GTSE1: variants seen among roughly 807,000 people sequenced by gnomAD.
GTSE1 encodes G2 and S-phase expressed 1, also known as G2 and S phase-expressed protein 1.
A neutral mutation model predicts 60.5 loss-of-function variants in GTSE1; 52 were observed. The observed-to-expected ratio is 0.86, with a 90% CI of 0.69 to 1.08. GTSE1 has a LOEUF of 1.08. Among genes scored for constraint, GTSE1 ranks in the 50% least tolerant of loss-of-function variants. The pLI, the probability that GTSE1 is intolerant of heterozygous loss-of-function variation, is 0.00. For synonymous variants in GTSE1, 368 were observed against 386.5 expected (o/e 0.95, Z 0.56); for missense variants, 937 against 961.8 (o/e 0.97, Z 0.34).
rs777163402 is a variant in GTSE1 at position 46,326,592 on chromosome 22, C to T, written c.1662C>T (p.Gly554=). The change falls in exon 9 of 12, where the codon GGC becomes GGT. Residue 554 remains glycine (G), a synonymous_variant. Transcript: ENST00000454366. ...MTPKTMPRAV[G]SPLCVPARRR... is the part of the protein sequence containing the mutation. ...CCAAAACGATGCCCAGGGCCGTGGGCTCTCCCCTGTGTGTGCCAGCTCGGA... is the reference window on the plus strand; with the variant it reads ...CCAAAACGATGCCCAGGGCCGTGGGTTCTCCCCTGTGTGTGCCAGCTCGGA... 5.0e-6 allele frequency: 8 copies of T among 1,614,006 alleles called. No individual in the cohort carries two copies. Among genetic ancestry groups the T allele is most frequent in the Non-Finnish European group, 6.8e-6 (8 of 1,179,950 alleles).
chr22:46,298,810 G>A (rs2077672910), intron 2 of GTSE1, among the ~76,000 whole-genome samples: 1 of 152,142 alleles, frequency 6.6e-6, no homozygotes, highest in African/African-American at 2.4e-5. Flanking sequence ...CCGTTGACCT[G>A]ACTTCATTTC....
intron 9 of GTSE1, chr22:46,327,221 A>C: frequency 6.6e-6 from 1 of 152,214 alleles, no homozygotes; most frequent in African/African-American, 2.4e-5. Context: ...AAATAAATAA[A>C]ATAAATAAAA....
chr22:46,301,781 G>A (rs539290993), intron 2 of GTSE1, among the ~76,000 whole-genome samples: 24 of 152,162 alleles, frequency 1.6e-4, no homozygotes, highest in Admixed American at 1.4e-3. Context: ...GAGCCACAGC[G>A]CCCAGCCTCA....
At chr22:46,328,079 G>A (rs1459095378) in intron 9 of GTSE1, among the ~76,000 whole-genome samples, 1 of 152,266 alleles carries the variant, frequency 6.6e-6, no homozygotes, top group Non-Finnish European at 1.5e-5. Context: ...GTTAGTTGAT[G>A]GACCTGCGGC....
intron 2 of GTSE1, among the ~76,000 whole-genome samples, chr22:46,300,198 A>G (rs1169516857): frequency 6.6e-6 from 1 of 151,798 alleles, no homozygotes; most frequent in Non-Finnish European, 1.5e-5. Context: ...CCTGGGTTCA[A>G]GTGATTCCCC....
At position 46,297,029 on chromosome 22, in the gene GTSE1, A is replaced by C. The variant is rs2077660462; in HGVS notation, c.-22+98A>C. 2 of 200,878 alleles carry C rather than the reference A, an allele frequency of 1.0e-5. No individual in the cohort carries two copies. The highest frequency in any genetic ancestry group is 1.5e-4 in the South Asian group (2 of 13,744). The allele number at this position is 200,878 out of a possible 1,614,324, so 12.4% of individuals were successfully genotyped here. A position where few individuals can be genotyped will look rare whatever the true frequency, so the allele number is the denominator to read the frequency against. On this transcript the variant is annotated intron_variant, in intron 1 of 11. Transcript: ENST00000454366. This position sits in a 1 kb window ranked among gnomAD's most constrained non-coding sequence, Gnocchi z 4.9. ...GGACGGGGAGGGGCCGCGCCCCGCCAGGAGCCGGGCCTGGGCTCGAGCAGG... is the reference window on the plus strand; with the variant it reads ...GGACGGGGAGGGGCCGCGCCCCGCCCGGAGCCGGGCCTGGGCTCGAGCAGG...
In GTSE1 at chr22:46,308,504, T is replaced by C. The variant is rs201086044; in HGVS notation, c.323T>C (p.Leu108Pro). 2.2e-5 allele frequency: 36 copies of C among 1,614,066 alleles called. No homozygotes were observed. Among genetic ancestry groups the C allele is most frequent in the Non-Finnish European group, 3.0e-5 (35 of 1,180,034 alleles). The change falls in exon 4 of 12, where the codon CTG becomes CCG. Residue 108 changes from leucine (L) to proline (P), a missense_variant. Physicochemically the swap from Leu to Pro is moderately conservative, Grantham distance 98. Transcript: ENST00000454366. ...FVEVYKEAHLLALHIESSSRN... is the reference protein window; with the variant it reads ...FVEVYKEAHLPALHIESSSRN... Reference sequence around the variant, plus strand: ...GAGGTGTACAAAGAAGCTCACTTACTGGCTTTACACATTGAGAGCAGCAGC... The same window carrying C: ...GAGGTGTACAAAGAAGCTCACTTACCGGCTTTACACATTGAGAGCAGCAGC...
In GTSE1 at chr22:46,316,182, A is replaced by ATGTTTC. The variant is rs764328518; in HGVS notation, c.1205_1210dup (p.Val402_Ser403dup). On this transcript the variant is annotated inframe_insertion, in exon 7 of 12. Coordinates refer to ENST00000454366, the MANE Select transcript of GTSE1 (RefSeq NM_016426.7). This position sits in a 1 kb window ranked among gnomAD's most constrained non-coding sequence, Gnocchi z 5.0. ...TCCTCCTGGCAGGCCAAGCGGGTCG[A>ATGTTTC]TGTTTCTGAGCTGGCAGCGGAGCAG... 4 of 1,613,542 alleles carry ATGTTTC rather than the reference A, an allele frequency of 2.5e-6. No homozygotes were observed. The highest frequency in any genetic ancestry group is 3.4e-6 in the Non-Finnish European group (4 of 1,179,814).
rs755325405 is a variant in GTSE1, at chr22:46,308,136, T to C, written c.80-14T>C. 1.3e-6 allele frequency: 2 copies of C among 1,589,518 alleles called. No homozygotes were observed. Among genetic ancestry groups the C allele is most frequent in the African/African-American group, 2.7e-5 (2 of 74,360 alleles). On this transcript the variant is annotated splice_polypyrimidine_tract_variant and intron_variant, in intron 2 of 11. Coordinates refer to ENST00000454366, the MANE Select transcript of GTSE1 (RefSeq NM_016426.7). ...GCTGTGGCACTAAAATAACAGTGGA[T>C]TTTTTCCCTCTAGACATTCTTCTTT...
Position 46,309,543 on chromosome 22 carries a change from G to A in GTSE1, c.762+600G>A, listed in dbSNP as rs79554259. On this transcript the variant is annotated intron_variant, in intron 4 of 11. Transcript: ENST00000454366. This position sits in a 1 kb window ranked among gnomAD's most constrained non-coding sequence, Gnocchi z 6.2. ...AGCCCCGGGGCCCACCCTGCAGCCC[G>A]TTCCCAGCTCTGCCCCCTCCCCTGG... 0.024 allele frequency among the ~76,000 whole-genome samples: 3,710 copies of A among 152,180 alleles called. 155 individuals carry two copies. Among genetic ancestry groups the A allele is most frequent in the African/African-American group, 0.083 (3,438 of 41,500 alleles).
chr22:46,330,072 T>G lies in GTSE1; in HGVS notation c.2162T>G (p.Ile721Ser), dbSNP rs2077867648. Reference protein sequence around the residue: ...GQLIDLSSPLIQLSPEADKEN... With the variant: ...GQLIDLSSPLSQLSPEADKEN... ...CTCATAGACCTGAGCTCCCCTCTGA[T>G]CCAGCTGAGCCCTGAGGCTGACAAG... Residue 721 changes from isoleucine to serine, a missense_variant, in exon 12 of 12, where the codon ATC becomes AGC. Ile to Ser is a moderately radical substitution (Grantham distance 142, BLOSUM62 -2). Coordinates refer to ENST00000454366, the MANE Select transcript of GTSE1 (RefSeq NM_016426.7). This position sits in a 1 kb window ranked among gnomAD's most constrained non-coding sequence, Gnocchi z 6.0. 6.2e-7 allele frequency: 1 copy of G among 1,611,270 alleles called. No individual in the cohort carries two copies.
At position 46,312,232 on chromosome 22, in the gene GTSE1, C is replaced by T. The variant is rs778042976; in HGVS notation, c.854C>T (p.Pro285Leu). Residue 285 changes from proline (P) to leucine (L), a missense_variant, in exon 5 of 12, where the codon CCG becomes CTG. Coordinates refer to ENST00000454366, the MANE Select transcript of GTSE1 (RefSeq NM_016426.7). ...HRDVLPDKPAPGAVNVPAAGS... is the reference protein window; with the variant it reads ...HRDVLPDKPALGAVNVPAAGS... ...GATGTTCTCCCTGACAAACCTGCCC[C>T]GGGTGCTGTCAATGTGCCGGCCGCC... is the stretch of plus-strand genomic sequence containing the variant. 6.0e-5 allele frequency: 97 copies of T among 1,614,042 alleles called. No individual in the cohort carries two copies. The highest frequency in any genetic ancestry group is 9.9e-5 in the South Asian group (9 of 91,088).
Position 46,308,962 on chromosome 22 carries a change from C to T in GTSE1, c.762+19C>T, listed in dbSNP as rs753402714. On this transcript the variant is annotated intron_variant, in intron 4 of 11. Transcript: ENST00000454366. ...GGAGAAGGTAAATGCCACAGCAGAG[C>T]GCCTGCCTGGGGAGCCCCCACTCCT... 4 of 1,589,262 alleles carry T rather than the reference C, an allele frequency of 2.5e-6. No individual in the cohort carries two copies. Among genetic ancestry groups the T allele is most frequent in the East Asian group, 2.2e-5 (1 of 44,634 alleles).
Position 46,314,539 on chromosome 22 carries a change from TC to T in GTSE1, c.1051+527del, listed in dbSNP as rs1287975125. On this transcript the variant is annotated intron_variant, in intron 6 of 11. Transcript: ENST00000454366. The surrounding 1 kb of genome is among the most constrained non-coding windows in gnomAD (Gnocchi z 7.1). ...CGAGGTGCATTGGCCATGTGGCGTCTCGGGGTCGTTCAGGGCAGCATGGTGT... is the reference window on the plus strand; with the variant it reads ...CGAGGTGCATTGGCCATGTGGCGTCTGGGGTCGTTCAGGGCAGCATGGTGT... Among the ~76,000 whole-genome samples, 1 of 152,166 alleles carries T rather than the reference TC, an allele frequency of 6.6e-6. No individual in the cohort carries two copies. Among genetic ancestry groups the T allele is most frequent in the Non-Finnish European group, 1.5e-5 (1 of 68,034 alleles).
chr22:46,316,005 TG>T lies in GTSE1; in HGVS notation c.1052-26del. 6.8e-7 allele frequency: 1 copy of T among 1,466,986 alleles called. No homozygotes were observed. Among genetic ancestry groups the T allele is most frequent in the Non-Finnish European group, 9.1e-7 (1 of 1,099,866 alleles). The allele number at this position is 1,466,986 out of a possible 1,614,324, so 90.9% of individuals were successfully genotyped here. On this transcript the variant is annotated intron_variant, in intron 6 of 11. Transcript: ENST00000454366. The surrounding 1 kb of genome is among the most constrained non-coding windows in gnomAD (Gnocchi z 5.0). ...AAATAGCTTCATACTTTTATAATAA[TG>T]TGATTTTTGTGTGTATACCTTCTAG...
In GTSE1 at chr22:46,310,945, G is replaced by C. The variant is rs2077744725; in HGVS notation, c.763-1196G>C. Among the ~76,000 whole-genome samples the C allele has an allele frequency of 6.6e-6, 1 of 152,150 alleles. No homozygotes were observed. Among genetic ancestry groups the C allele is most frequent in the Non-Finnish European group, 1.5e-5 (1 of 68,038 alleles). ...CATAACAAAAGGTCCCATGTCGTAT[G>C]GTTCCATTTATATGAAATGACTATG... On this transcript the variant is annotated intron_variant, in intron 4 of 11. Coordinates refer to ENST00000454366, the MANE Select transcript of GTSE1 (RefSeq NM_016426.7). The surrounding 1 kb of genome is among the most constrained non-coding windows in gnomAD (Gnocchi z 4.4).
chr22:46,324,914 A>T lies in GTSE1; in HGVS notation c.1506-1522A>T, dbSNP rs1339931579. Among the ~76,000 whole-genome samples the T allele has an allele frequency of 2.0e-5, 3 of 152,322 alleles. No individual in the cohort carries two copies. In the East Asian group the frequency reaches 5.8e-4, roughly 29 times the overall value. The stretch of plus-strand genomic sequence containing the variant: ...ACAATTGCCCAGAATAGAGCAATAG[A>T]CAGGTCTCCCTGGCCTCCCGAGGGG... On this transcript the variant is annotated intron_variant, in intron 8 of 11. Transcript: ENST00000454366. This position sits in a 1 kb window ranked among gnomAD's most constrained non-coding sequence, Gnocchi z 5.2.
rs754930697 is a variant in GTSE1, at chr22:46,304,745, A to G, written c.80-3405A>G. ...TGTAATCCCAGCACTTTGGGAGGCC[A>G]AGGTAGGAGGAATGCTTGTTCCCAG... is the stretch of plus-strand genomic sequence containing the variant. On this transcript the variant is annotated intron_variant, in intron 2 of 11. Coordinates refer to ENST00000454366, the MANE Select transcript of GTSE1 (RefSeq NM_016426.7). This position sits in a 1 kb window ranked among gnomAD's most constrained non-coding sequence, Gnocchi z 4.4. 4.6e-5 allele frequency among the ~76,000 whole-genome samples: 7 copies of G among 151,992 alleles called. No individual in the cohort carries two copies. Among genetic ancestry groups the G allele is most frequent in the Non-Finnish European group, 1.0e-4 (7 of 67,970 alleles).
In GTSE1 at chr22:46,318,508, C is replaced by G. The variant is rs565064393; in HGVS notation, c.1432+2096C>G. ...ATGAGCAGGCCTGCAGATCCTAGCACAACAAAGGGACTAAGGGAAGATGGT... is the reference window on the plus strand; with the variant it reads ...ATGAGCAGGCCTGCAGATCCTAGCAGAACAAAGGGACTAAGGGAAGATGGT... On this transcript the variant is annotated intron_variant, in intron 7 of 11. Transcript: ENST00000454366. The surrounding 1 kb of genome is among the most constrained non-coding windows in gnomAD (Gnocchi z 4.8). 3.3e-5 allele frequency among the ~76,000 whole-genome samples: 5 copies of G among 152,246 alleles called. No homozygotes were observed. Among genetic ancestry groups the G allele is most frequent in the African/African-American group, 1.2e-4 (5 of 41,532 alleles).
Sources: gnomAD v4.1 joint callset for allele counts (sites outside exome capture counted in the v4.1 genomes callset) on GRCh38, gnomAD v4.1.1 for gene constraint, Gnocchi (gnomAD v3.1) non-coding constraint, MANE v1.5 for transcripts, NCBI Gene and HGNC (gene_info 2026-07-23, HGNC 2026-07-21) for gene names.